CNTNAP2: variants seen among roughly 807,000 people sequenced by gnomAD.
CNTNAP2 encodes the protein contactin associated protein 2.
A neutral mutation model predicts 155.2 loss-of-function variants in CNTNAP2; 98 were observed. The ratio of observed to expected loss-of-function variants is 0.63; its 90% CI spans 0.54 to 0.75. The LOEUF (loss-of-function observed/expected upper bound fraction) is 0.75, where lower values mean the gene tolerates loss of function less well. CNTNAP2 is among the 30% of genes least tolerant of loss of function. The pLI is 0.00. For synonymous variants in CNTNAP2, 651 were observed against 631.2 expected (o/e 1.03, Z -0.47); for missense variants, 1,727 against 1,688.1 (o/e 1.02, Z -0.40).
chr7:147,311,249 G>T (rs1795120714), intron 9 of CNTNAP2, among the ~76,000 whole-genome samples: 1 of 152,160 alleles, frequency 6.6e-6, no homozygotes, highest in Non-Finnish European at 1.5e-5. Context: ...ACTCTAAGAA[G>T]CAGAGGTTAA....
At chr7:146,292,788 C>T (rs1010344723) in intron 1 of CNTNAP2, among the ~76,000 whole-genome samples, 3 of 152,038 alleles carry the variant, frequency 2.0e-5, no homozygotes, top group Admixed American at 1.3e-4. Context: ...AAGTCAAATA[C>T]GTTATACTCT....
rs555210292 is a variant in CNTNAP2, at chr7:147,650,720, G to C, written c.2098+11414G>C. On this transcript the variant is annotated intron_variant, in intron 13 of 23. Coordinates refer to ENST00000361727, the MANE Select transcript of CNTNAP2 (RefSeq NM_014141.6). Reference sequence around the variant, plus strand: ...CAGTAGGCTATTGGTAGTTAAGTTTGTGGGGAGTCAAAGATGTAGGTCAAT... The same window carrying C: ...CAGTAGGCTATTGGTAGTTAAGTTTCTGGGGAGTCAAAGATGTAGGTCAAT... Among the ~76,000 whole-genome samples, 7 of 152,214 alleles carry C rather than the reference G, an allele frequency of 4.6e-5. No homozygotes were observed. In the South Asian group the frequency reaches 1.0e-3, roughly 23 times the overall value.
At chr7:146,537,996 A>C (rs989994328) in intron 1 of CNTNAP2, among the ~76,000 whole-genome samples, 8 of 152,090 alleles carry the variant, frequency 5.3e-5, no homozygotes, top group Non-Finnish European at 1.2e-4. Context: ...TTTACATTTG[A>C]AAAGGATTAT....
Position 148,383,504 on chromosome 7 carries a change from C to A in CNTNAP2, c.3476-145C>A, listed in dbSNP as rs565073503. ...AGTATGCAGCCCTAAATCTTATCGACCCATTAATATTTCATCCAAAACAAT... is the reference window on the plus strand; with the variant it reads ...AGTATGCAGCCCTAAATCTTATCGAACCATTAATATTTCATCCAAAACAAT... On this transcript the variant is annotated intron_variant, in intron 21 of 23. Transcript: ENST00000361727. 9 of 1,174,480 alleles carry A rather than the reference C, an allele frequency of 7.7e-6. No individual in the cohort carries two copies. In the South Asian group the frequency reaches 1.2e-4, roughly 16 times the overall value. 72.8% of individuals were successfully genotyped at this position (1,174,480 alleles called of 1,614,324 possible).
intron 21 of CNTNAP2, among the ~76,000 whole-genome samples, chr7:148,304,995 G>T (rs185687745): frequency 1.3e-5 from 2 of 149,906 alleles, no homozygotes; most frequent in South Asian, 2.1e-4. Context: ...GTGAGGGATT[G>T]CTTGAGGCCA....
intron 15 of CNTNAP2, among the ~76,000 whole-genome samples, chr7:148,104,632 G>A (rs1032569429): frequency 2.6e-5 from 4 of 152,184 alleles, no homozygotes; most frequent in Admixed American, 6.5e-5. Context: ...CCAATTATAT[G>A]AAGAGAGATG....
chr7:146,353,097 A>G (rs1441013283), intron 1 of CNTNAP2, among the ~76,000 whole-genome samples: 1 of 152,112 alleles, frequency 6.6e-6, no homozygotes, highest in Admixed American at 6.5e-5. Flanking sequence ...CGAAACTCTT[A>G]AAAAAGACAT....
intron 21 of CNTNAP2, among the ~76,000 whole-genome samples, chr7:148,338,959 A>T (rs573495073): frequency 6.6e-6 from 1 of 152,172 alleles, no homozygotes; most frequent in African/African-American, 2.4e-5. Flanking sequence ...CCCCGACAGG[A>T]AAATCAGAAA....
intron 3 of CNTNAP2, among the ~76,000 whole-genome samples, chr7:147,009,450 T>C (rs897066298): frequency 3.9e-5 from 6 of 152,170 alleles, no homozygotes; most frequent in African/African-American, 2.4e-5. Context: ...TAGTCCGATA[T>C]GTGCATTTAC....
intron 2 of CNTNAP2, among the ~76,000 whole-genome samples, chr7:146,819,853 A>C (rs911842125): frequency 1.3e-5 from 2 of 152,038 alleles, no homozygotes; most frequent in East Asian, 1.9e-4. Flanking sequence ...AGGAGCTCTC[A>C]CCCTGAAATA....
chr7:148,285,693 G>A (rs1797068552), intron 21 of CNTNAP2, among the ~76,000 whole-genome samples: 1 of 152,234 alleles, frequency 6.6e-6, no homozygotes, highest in African/African-American at 2.4e-5. Context: ...CATATAGCTA[G>A]TAAGTGGTAG....
intron 16 of CNTNAP2, among the ~76,000 whole-genome samples, chr7:148,139,225 C>T (rs1805014174): frequency 6.6e-6 from 1 of 152,114 alleles, no homozygotes; most frequent in Non-Finnish European, 1.5e-5. Flanking sequence ...ATTTTTCTTG[C>T]CAATGTTCAT....
At chr7:148,110,700 G>A (rs1804329625) in intron 15 of CNTNAP2, among the ~76,000 whole-genome samples, 1 of 152,180 alleles carries the variant, frequency 6.6e-6, no homozygotes, top group African/African-American at 2.4e-5. Flanking sequence ...CGGGCTCAGA[G>A]CCGGAGGAAT....
chr7:146,824,407 A>G lies in CNTNAP2; in HGVS notation c.209-15304A>G, dbSNP rs188287114. Among the ~76,000 whole-genome samples the G allele has an allele frequency of 1.8e-3, 274 of 152,238 alleles. 1 individual carries two copies. Among genetic ancestry groups the G allele is most frequent in the Non-Finnish European group, 3.0e-3 (205 of 68,026 alleles). On this transcript the variant is annotated intron_variant, in intron 2 of 23. Coordinates refer to ENST00000361727, the MANE Select transcript of CNTNAP2 (RefSeq NM_014141.6). The stretch of plus-strand genomic sequence containing the variant: ...TAATCCTTTGGGTTTATACCTAGTA[A>G]TGGGATTGTTGGGTCAAATGGTATT...
At chr7:148,043,669 A>G (rs1802717755) in intron 15 of CNTNAP2, among the ~76,000 whole-genome samples, 1 of 152,234 alleles carries the variant, frequency 6.6e-6, no homozygotes, top group Admixed American at 6.5e-5. Context: ...TTAGATAATT[A>G]AGTAGGTACC....
Position 146,712,148 on chromosome 7 carries a change from A to AGTATACATATCTTATGTATACATATAT in CNTNAP2, c.98-62101_98-62100insTATATGTATACATATCTTATGTATACA, listed in dbSNP as rs1563199081. Among the ~76,000 whole-genome samples the AGTATACATATCTTATGTATACATATAT allele has an allele frequency of 1.8e-3, 216 of 121,708 alleles. 62 individuals are homozygous for AGTATACATATCTTATGTATACATATAT. Among genetic ancestry groups the AGTATACATATCTTATGTATACATATAT allele is most frequent in the African/African-American group, 6.5e-3 (200 of 30,582 alleles). 79.8% of individuals were successfully genotyped at this position (121,708 alleles called of 152,430 possible). ...TATACATATCTTATGTATACTATAT[A>AGTATACATATCTTATGTATACATATAT]GTATACATATCTTATGTATACAAAT... On this transcript the variant is annotated intron_variant, in intron 1 of 23. Transcript: ENST00000361727.
At chr7:148,265,036 T>G (rs1796642954) in intron 20 of CNTNAP2, among the ~76,000 whole-genome samples, 1 of 152,224 alleles carries the variant, frequency 6.6e-6, no homozygotes. Flanking sequence ...GTGGAGATTA[T>G]CACCTCCTAA....
intron 10 of CNTNAP2, among the ~76,000 whole-genome samples, chr7:147,423,205 C>T (rs1584940198): frequency 6.6e-6 from 1 of 152,282 alleles, no homozygotes; most frequent in East Asian, 1.9e-4. Context: ...AGTTCTTTCC[C>T]TAATTCCCTA....
chr7:146,867,462 A>T (rs1364376080), intron 3 of CNTNAP2, among the ~76,000 whole-genome samples: 3 of 152,186 alleles, frequency 2.0e-5, no homozygotes, highest in South Asian at 2.1e-4. Context: ...TGCTATCATG[A>T]ATAGTGCTAC....
Sources: allele counts gnomAD v4.1 joint callset (sites outside exome capture counted in the v4.1 genomes callset), GRCh38; gene constraint gnomAD v4.1.1; transcripts MANE v1.5; gene names NCBI Gene and HGNC (gene_info 2026-07-23, HGNC 2026-07-21).